The following AP1M1 variants were observed in gnomAD, a reference collection of about 807,000 sequenced individuals.
AP1M1 encodes adaptor related protein complex 1 subunit mu 1.
A neutral mutation model predicts 57.1 loss-of-function variants in AP1M1; 18 were observed. The observed-to-expected ratio is 0.32, with a 90% confidence interval of 0.22 to 0.47. AP1M1 has a LOEUF of 0.47. Ranked by LOEUF, AP1M1 falls within the 20% of genes least tolerant of loss-of-function variation. The pLI is 1.00. For missense variants in AP1M1, 362 were observed against 593.5 expected (o/e 0.61, Z 4.05); for synonymous variants, 241 against 237.9 (o/e 1.01, Z -0.12).
At chr19:16,231,225 T>C (rs2091594890) in intron 9 of AP1M1, among the ~76,000 whole-genome samples, 1 of 148,330 alleles carries the variant, frequency 6.7e-6, no homozygotes. Context: ...GAGGCGGAGC[T>C]TGCAGTGAGC....
chr19:16,228,315 C>T lies in AP1M1; in HGVS notation c.888+107C>T, dbSNP rs550335000. On this transcript the variant is annotated intron_variant, in intron 8 of 11. Transcript: ENST00000291439. The surrounding 1 kb of genome is among the most constrained non-coding windows in gnomAD (Gnocchi z 5.0). ...CGTAGGGCTGCCATCCGTGCACCCT[C>T]ACTGTGGCCTCAGATGCAGGAGTGA... is the stretch of plus-strand genomic sequence containing the variant. The T allele has an allele frequency of 4.3e-6, 5 of 1,153,598 alleles. No homozygotes were observed. The South Asian group carries it at 5.2e-5, about 12-fold the overall frequency. 71.5% of individuals were successfully genotyped at this position (1,153,598 alleles called of 1,614,324 possible). A position where few individuals can be genotyped will look rare whatever the true frequency, so the allele number is the denominator to read the frequency against.
At position 16,206,539 on chromosome 19, in the gene AP1M1, G is replaced by T. The variant is rs1753493759; in HGVS notation, c.267+131G>T. 1.0e-6 allele frequency: 1 copy of T among 960,992 alleles called. No individual in the cohort carries two copies. Among genetic ancestry groups the T allele is most frequent in the African/African-American group, 1.6e-5 (1 of 61,276 alleles). 59.5% of individuals were successfully genotyped at this position (960,992 alleles called of 1,614,324 possible). On this transcript the variant is annotated intron_variant, in intron 3 of 11. Transcript: ENST00000291439. The surrounding 1 kb of genome is among the most constrained non-coding windows in gnomAD (Gnocchi z 4.3). ...GGGAGCACTGGGGCTGGAAGCCCAGGAAGTGGGAAAGGGGAGTCCCAACTC... is the reference window on the plus strand; with the variant it reads ...GGGAGCACTGGGGCTGGAAGCCCAGTAAGTGGGAAAGGGGAGTCCCAACTC...
At chr19:16,208,364 T>C (rs560869417) in intron 4 of AP1M1, 1 of 452,432 alleles carries the variant, frequency 2.2e-6, no homozygotes, top group South Asian at 3.4e-5. Context: ...TTCCTGCTCC[T>C]CATCTTTACT....
chr19:16,210,395 G>A (rs777574723), intron 5 of AP1M1: 21 of 718,150 alleles, frequency 2.9e-5, no homozygotes, highest in South Asian at 3.0e-5. Context: ...TGGGTCACAC[G>A]GTAAGTGTAT....
intron 9 of AP1M1, among the ~76,000 whole-genome samples, chr19:16,231,923 A>G (rs1249509271): frequency 6.6e-6 from 1 of 152,146 alleles, no homozygotes; most frequent in African/African-American, 2.4e-5. Flanking sequence ...GTCTGTTACC[A>G]GGTTAGGGAA....
intron 5 of AP1M1, among the ~76,000 whole-genome samples, chr19:16,217,448 C>A (rs1302620612): frequency 6.6e-6 from 1 of 152,172 alleles, no homozygotes; most frequent in Non-Finnish European, 1.5e-5. Context: ...GGGCAAGAAC[C>A]TGCAGGCAAA....
In AP1M1 at chr19:16,207,384, TG is replaced by T. The variant is rs1374437747; in HGVS notation, c.268-634del. ...TGTCACAGGCAGGGCTGGGCCTGGC[TG>T]TGCTGCCTGTGGTTTCCAAGCAGAG... is the stretch of plus-strand genomic sequence containing the variant. On this transcript the variant is annotated intron_variant, in intron 3 of 11. Transcript: ENST00000291439. This position sits in a 1 kb window ranked among gnomAD's most constrained non-coding sequence, Gnocchi z 4.2. Among the ~76,000 whole-genome samples, 3 of 151,938 alleles carry T rather than the reference TG, an allele frequency of 2.0e-5. No homozygotes were observed. The highest frequency in any genetic ancestry group is 6.6e-5 in the Admixed American group (1 of 15,264).
At chr19:16,208,848 T>C in intron 4 of AP1M1, 182 bp from the exon 5 acceptor site, 1 of 622,080 alleles carries the variant, frequency 1.6e-6, no homozygotes, top group Admixed American at 3.1e-5. Flanking sequence ...TTTTTCTGTA[T>C]GAAGCAGCCC....
At chr19:16,205,054 C>G (rs984981987) in intron 2 of AP1M1, among the ~76,000 whole-genome samples, 5 of 152,038 alleles carry the variant, frequency 3.3e-5, no homozygotes, top group African/African-American at 9.7e-5. Context: ...AGGATGGTCT[C>G]GATCTCCTGA....
Position 16,209,130 on chromosome 19 carries a change from C to T in AP1M1, c.499C>T (p.Arg167Trp), listed in dbSNP as rs2145119628. The T allele has an allele frequency of 6.2e-7, 1 of 1,614,236 alleles. No homozygotes were observed. Among genetic ancestry groups the T allele is most frequent in the Non-Finnish European group, 8.5e-7 (1 of 1,180,052 alleles). Residue 167 changes from arginine to tryptophan, a missense_variant, in exon 5 of 12, where the codon CGG becomes TGG. By Grantham distance (101) the Arg-to-Trp change is moderately radical. Around this residue, in one of 2 missense-constraint regions of AP1M1, gnomAD observed 337 missense variants for 511.1 expected, o/e 0.66. Coordinates refer to ENST00000291439, the MANE Select transcript of AP1M1 (RefSeq NM_032493.4). ...CTGGCGGTCCGAAGGCATCAAGTAT[C>T]GGAAGAATGAGGTGTTCTTGGACGT... ...VSWRSEGIKY[R>W]KNEVFLDVIE...
intron 5 of AP1M1, among the ~76,000 whole-genome samples, chr19:16,224,787 T>C (rs2091563740): frequency 6.6e-6 from 1 of 151,162 alleles, no homozygotes; most frequent in Non-Finnish European, 1.5e-5. Context: ...CACAGTGGAG[T>C]GGAGGGCCCT....
rs774064433 is a variant in AP1M1 at position 16,227,718 on chromosome 19, G to T, written c.816+28G>T. The T allele has an allele frequency of 1.2e-6, 2 of 1,606,806 alleles. No homozygotes were observed. The highest frequency in any genetic ancestry group is 2.2e-5 in the South Asian group (2 of 90,912). ...GAGTGCGCCACCCTGGGGCTGGGCT[G>T]TCGGCAGACTCCTCCTCCCCTTCAC... On this transcript the variant is annotated intron_variant, in intron 7 of 11. Coordinates refer to ENST00000291439, the MANE Select transcript of AP1M1 (RefSeq NM_032493.4). The surrounding 1 kb of genome is among the most constrained non-coding windows in gnomAD (Gnocchi z 6.2).
intron 5 of AP1M1, among the ~76,000 whole-genome samples, chr19:16,222,834 C>T (rs1276566690): frequency 6.6e-6 from 1 of 152,054 alleles, no homozygotes; most frequent in African/African-American, 2.4e-5. Flanking sequence ...AGGCTAGTCT[C>T]GAACTCCTGG....
Position 16,227,810 on chromosome 19 carries a change from C to A in AP1M1, c.816+120C>A. 1 of 1,305,240 alleles carries A rather than the reference C, an allele frequency of 7.7e-7. No individual in the cohort carries two copies. Among genetic ancestry groups the A allele is most frequent in the Non-Finnish European group, 1.1e-6 (1 of 938,022 alleles). The allele number at this position is 1,305,240 out of a possible 1,614,324, so 80.9% of individuals were successfully genotyped here. ...ACCCCACGCTCCATGAGCTGCCTGGCTCTGCAGAGATGGAGTCTGAGGACT... is the reference window on the plus strand; with the variant it reads ...ACCCCACGCTCCATGAGCTGCCTGGATCTGCAGAGATGGAGTCTGAGGACT... On this transcript the variant is annotated intron_variant, in intron 7 of 11. Transcript: ENST00000291439. This position sits in a 1 kb window ranked among gnomAD's most constrained non-coding sequence, Gnocchi z 6.2.
chr19:16,236,388 AAGGAGACCCAC>A lies in AP1M1; in HGVS notation c.*1959_*1969del, dbSNP rs1393702196. ...CACCTAGCCGTGCCCATAAAAAAGC[AAGGAGACCCAC>A]AGGAGCCCAAGACGAAGGAAGTAGA... On this transcript the variant is annotated 3_prime_UTR_variant, in exon 12 of 12. Transcript: ENST00000291439. 6.6e-6 allele frequency: 1 copy of A among 152,356 alleles called. No individual in the cohort carries two copies. The highest frequency in any genetic ancestry group is 2.4e-5 in the African/African-American group (1 of 41,476). 9.4% of individuals were successfully genotyped at this position (152,356 alleles called of 1,614,324 possible).
In AP1M1 at chr19:16,203,391, C is replaced by T. The variant is rs1204476103; in HGVS notation, c.43-68C>T. The T allele has an allele frequency of 1.9e-6, 3 of 1,567,586 alleles. No individual in the cohort carries two copies. Among genetic ancestry groups the T allele is most frequent in the Non-Finnish European group, 2.6e-6 (3 of 1,140,528 alleles). On this transcript the variant is annotated intron_variant, in intron 1 of 11. Coordinates refer to ENST00000291439, the MANE Select transcript of AP1M1 (RefSeq NM_032493.4). This position sits in a 1 kb window ranked among gnomAD's most constrained non-coding sequence, Gnocchi z 4.6. The stretch of plus-strand genomic sequence containing the variant: ...CGAAGCAGGGTGGTGCATCTCACCC[C>T]CTGCCCCAAGCCCCCAGATTGTAGA...
Position 16,235,979 on chromosome 19 carries a change from G to A in AP1M1, c.*1544G>A, listed in dbSNP as rs1469697121. On this transcript the variant is annotated 3_prime_UTR_variant, in exon 12 of 12. Transcript: ENST00000291439. ...TAGTGGGCATCCGACCTAACAGCCT[G>A]AGTAGAACCTTCCGCCCACGTAGGT... 6.6e-6 allele frequency: 1 copy of A among 152,284 alleles called. No homozygotes were observed. The allele number at this position is 152,284 out of a possible 1,614,324, so 9.4% of individuals were successfully genotyped here.
chr19:16,225,394 G>A (rs917832705), intron 5 of AP1M1, among the ~76,000 whole-genome samples: 11 of 80,980 alleles, frequency 1.4e-4, no homozygotes, highest in African/African-American at 3.2e-4. Context: ...GCAGTGTGCA[G>A]TGGTGGCCAG....
intron 5 of AP1M1, 83 bp downstream of exon 5, chr19:16,209,260 G>T (rs2091483209): frequency 1.3e-6 from 2 of 1,518,740 alleles, no homozygotes; most frequent in Admixed American, 1.8e-5. Flanking sequence ...AACTGGCAAA[G>T]CCCCGAGAGC....
Sources: gnomAD v4.1 joint callset for allele counts (sites outside exome capture counted in the v4.1 genomes callset) on GRCh38, gnomAD v4.1.1 for gene constraint, gnomAD v4.1.1 regional missense constraint, Gnocchi (gnomAD v3.1) non-coding constraint, MANE v1.5 for transcripts, NCBI Gene and HGNC (gene_info 2026-07-23, HGNC 2026-07-21) for gene names.